Variants in NXNL2 observed in about 807,000 individuals in gnomAD.
The protein encoded by NXNL2 is nucleoredoxin like 2.
NXNL2 carries 7 observed loss-of-function variants against 11.1 expected under a neutral mutation model. The observed-to-expected ratio is 0.63, with a 90% CI of 0.36 to 1.18. NXNL2 has a LOEUF of 1.18. Among genes scored for constraint, NXNL2 ranks in the 50% most tolerant of loss-of-function variants. NXNL2 has a pLI of 0.02. For synonymous variants in NXNL2, 109 were observed against 101.8 expected (o/e 1.07, Z -0.42); for missense variants, 233 against 217.7 (o/e 1.07, Z -0.44).
At chr9:88,562,415 C>G (rs1474115414) in intron 1 of NXNL2, among the ~76,000 whole-genome samples, 1 of 151,922 alleles carries the variant, frequency 6.6e-6, no homozygotes, top group Non-Finnish European at 1.5e-5. Flanking sequence ...CCCTTCATTT[C>G]TGTTAACTTT....
chr9:88,561,612 A>G (rs1032035913), intron 1 of NXNL2, among the ~76,000 whole-genome samples: 1 of 152,010 alleles, frequency 6.6e-6, no homozygotes, highest in Non-Finnish European at 1.5e-5. Context: ...CTAATGCTGG[A>G]GGAGGGGGAA....
At chr9:88,548,487 C>A (rs1829879036), downstream of NXNL2, among the ~76,000 whole-genome samples, 1 of 149,052 alleles carries the variant, frequency 6.7e-6, no homozygotes, top group African/African-American at 2.5e-5. Flanking sequence ...TATGGTGAAA[C>A]CCTGTCTCTA....
intron 2 of NXNL2, among the ~76,000 whole-genome samples, chr9:88,573,902 C>T (rs1180373414): frequency 1.3e-5 from 2 of 152,134 alleles, no homozygotes; most frequent in East Asian, 3.9e-4. Context: ...CAAATGAATG[C>T]AAATCAAAGG....
intron 1 of NXNL2, among the ~76,000 whole-genome samples, chr9:88,568,412 C>T (rs1396154790): frequency 6.6e-6 from 1 of 152,116 alleles, no homozygotes; most frequent in Non-Finnish European, 1.5e-5. Context: ...GGCCAGACAG[C>T]CATGGACCCA....
chr9:88,561,035 G>C (rs1192224249), intron 1 of NXNL2, among the ~76,000 whole-genome samples: 1 of 152,210 alleles, frequency 6.6e-6, no homozygotes, highest in East Asian at 1.9e-4. Context: ...TTAATACTGA[G>C]TGTCGACTTG....
At chr9:88,568,805 A>T (rs914114063) in intron 1 of NXNL2, among the ~76,000 whole-genome samples, 62 of 152,252 alleles carry the variant, frequency 4.1e-4, no homozygotes, top group African/African-American at 1.4e-3. Context: ...ACATGAATCC[A>T]CATTTATTTC....
intron 1 of NXNL2, among the ~76,000 whole-genome samples, chr9:88,568,217 G>A (rs1587854452): frequency 6.6e-6 from 1 of 152,172 alleles, no homozygotes; most frequent in African/African-American, 2.4e-5. Context: ...GCAACTAACT[G>A]CATCTTTAAC....
chr9:88,571,620 C>T (rs1830266804), intron 2 of NXNL2, among the ~76,000 whole-genome samples: 1 of 152,140 alleles, frequency 6.6e-6, no homozygotes, highest in African/African-American at 2.4e-5. Context: ...GTGATTCCAC[C>T]GTTGCTATGG....
Position 88,544,522 on chromosome 9 carries a change from A to G in NXNL2, c.446A>G (p.Asp149Gly). Residue 149 changes from aspartate to glycine, a missense_variant, in exon 2 of 2, where the codon GAT becomes GGT. Asp to Gly is a moderately conservative substitution (Grantham distance 94). Transcript: ENST00000375854. ...ACFQDWVEAA[D>G]IFQNFSV ...TTCCAGGACTGGGTGGAGGCGGCCG[A>G]TATCTTCCAGAATTTCTCCGTTTGA... is the stretch of plus-strand genomic sequence containing the variant. The G allele has an allele frequency of 6.5e-7, 1 of 1,544,176 alleles. No homozygotes were observed. Among genetic ancestry groups the G allele is most frequent in the Non-Finnish European group, 8.7e-7 (1 of 1,143,110 alleles).
intron 1 of NXNL2, among the ~76,000 whole-genome samples, chr9:88,565,993 A>G (rs548979718): frequency 3.3e-5 from 5 of 152,170 alleles, no homozygotes; most frequent in Non-Finnish European, 7.3e-5. Flanking sequence ...AGAAGTGCCT[A>G]TTCAAGTCCT....
chr9:88,576,735 T>C (rs1203430751), downstream of NXNL2, among the ~76,000 whole-genome samples: 1 of 152,160 alleles, frequency 6.6e-6, no homozygotes, highest in African/African-American at 2.4e-5. Flanking sequence ...GAGCTTGTTT[T>C]CCTGGGACTA....
downstream of NXNL2, among the ~76,000 whole-genome samples, chr9:88,576,511 C>T (rs1830350413): frequency 6.6e-6 from 1 of 152,192 alleles, no homozygotes; most frequent in African/African-American, 2.4e-5. Context: ...CCCAGGGGTG[C>T]TTGCTGAAGG....
intron 1 of NXNL2, among the ~76,000 whole-genome samples, chr9:88,553,777 C>G (rs1233104170): frequency 6.6e-6 from 1 of 152,058 alleles, no homozygotes; most frequent in African/African-American, 2.4e-5. Context: ...AAGATTAAAG[C>G]CTTATGGTTT....
intron 1 of NXNL2, among the ~76,000 whole-genome samples, chr9:88,556,562 G>A (rs1789102677): frequency 6.6e-6 from 1 of 152,058 alleles, no homozygotes; most frequent in African/African-American, 2.4e-5. Flanking sequence ...CCTGGAAAAA[G>A]CACCATTTGA....
At chr9:88,547,334 C>T (rs1039121866), downstream of NXNL2, among the ~76,000 whole-genome samples, 3 of 152,196 alleles carry the variant, frequency 2.0e-5, no homozygotes, top group African/African-American at 4.8e-5. Flanking sequence ...CCTGCAGGAG[C>T]GCGTGCAGAC....
chr9:88,564,240 G>GTCTA (rs201758132), intron 1 of NXNL2, among the ~76,000 whole-genome samples: 7,020 of 139,214 alleles, frequency 0.05, 231 homozygotes, highest in Admixed American at 0.074. Context: ...CTCTGATGTT[G>GTCTA]TCTATCTATC....
intron 1 of NXNL2, among the ~76,000 whole-genome samples, chr9:88,556,321 C>T (rs147746838): frequency 6.6e-6 from 1 of 152,328 alleles, no homozygotes; most frequent in African/African-American, 2.4e-5. Flanking sequence ...TTCTCACCCA[C>T]TGTTTGGTGG....
chr9:88,535,472 G>C lies in NXNL2; in HGVS notation c.38G>C (p.Cys13Ser). Residue 13 changes from cysteine (C) to serine (S), a missense_variant, in exon 1 of 2, where the codon TGT becomes TCT. Coordinates refer to ENST00000375854, the MANE Select transcript of NXNL2 (RefSeq NM_001161625.2). The part of the protein sequence containing the change: ...DILGERHLVT[C>S]KGATVEAEAA... Reference sequence around the variant, plus strand: ...CTGGGCGAGCGGCACCTGGTGACCTGTAAGGGCGCGACGGTGGAGGCCGAG... The same window carrying C: ...CTGGGCGAGCGGCACCTGGTGACCTCTAAGGGCGCGACGGTGGAGGCCGAG... The C allele has an allele frequency of 6.2e-6, 10 of 1,608,596 alleles. No individual in the cohort carries two copies. Among genetic ancestry groups the C allele is most frequent in the Non-Finnish European group, 8.5e-6 (10 of 1,178,382 alleles).
chr9:88,556,688 G>T (rs889367385), intron 1 of NXNL2, among the ~76,000 whole-genome samples: 5 of 152,130 alleles, frequency 3.3e-5, no homozygotes, highest in Non-Finnish European at 7.4e-5. Context: ...TTTCATTGGG[G>T]ACCTGCCCCT....
Sources: gnomAD v4.1 joint callset for allele counts (sites outside exome capture counted in the v4.1 genomes callset) on GRCh38, gnomAD v4.1.1 for gene constraint, MANE v1.5 for transcripts, NCBI Gene and HGNC (gene_info 2026-07-23, HGNC 2026-07-21) for gene names.